NEK10: variants seen among roughly 807,000 people sequenced by gnomAD.
NEK10 encodes NIMA related kinase 10.
A neutral mutation model predicts 159.8 loss-of-function variants in NEK10; 122 were observed. That is an observed-to-expected ratio of 0.76 (90% CI 0.66 to 0.89). NEK10 has a LOEUF of 0.89. Among genes scored for constraint, NEK10 ranks in the 40% least tolerant of loss-of-function variants. The pLI, the probability that NEK10 is intolerant of heterozygous loss-of-function variation, is 0.00. For synonymous variants in NEK10, 466 were observed against 457.1 expected, an observed-to-expected ratio of 1.02 and a Z score of -0.25; for missense variants, 1,342 against 1,323.1, an observed-to-expected ratio of 1.01 and a Z score of -0.22.
chr3:27,362,340 A>T (rs2048749303), intron 1 of NEK10, among the ~76,000 whole-genome samples: 1 of 152,192 alleles, frequency 6.6e-6, no homozygotes, highest in African/African-American at 2.4e-5. Flanking sequence ...AGCTTACGGA[A>T]CTGCTAATGG....
intron 30 of NEK10, among the ~76,000 whole-genome samples, chr3:27,153,332 A>G (rs1370472188): frequency 6.6e-6 from 1 of 151,952 alleles, no homozygotes; most frequent in African/African-American, 2.4e-5. Context: ...AAAAAAAAAA[A>G]AAAAGAAATG....
At chr3:27,177,310 G>A (rs186667315) in intron 26 of NEK10, among the ~76,000 whole-genome samples, 6 of 152,264 alleles carry the variant, frequency 3.9e-5, no homozygotes, top group African/African-American at 1.4e-4. Flanking sequence ...TTGGGAGGCT[G>A]AGGCAGGTGG....
At chr3:27,156,521 T>C (rs937958122) in intron 30 of NEK10, among the ~76,000 whole-genome samples, 4 of 152,002 alleles carry the variant, frequency 2.6e-5, no homozygotes, top group Admixed American at 6.6e-5. Flanking sequence ...CAAAAGAAGA[T>C]ACTCAAATGA....
chr3:27,184,480 G>A (rs1048834119), intron 26 of NEK10, among the ~76,000 whole-genome samples: 1 of 152,204 alleles, frequency 6.6e-6, no homozygotes, highest in Non-Finnish European at 1.5e-5. Context: ...CTTGTTTGGG[G>A]TGGAGGTTAC....
chr3:27,205,282 C>T (rs1341067603), intron 23 of NEK10, among the ~76,000 whole-genome samples: 1 of 141,918 alleles, frequency 7.0e-6, no homozygotes, highest in Non-Finnish European at 1.5e-5. Context: ...GCCATACTGC[C>T]CAAGGTAATT....
chr3:27,207,321 T>C (rs568848259), intron 23 of NEK10, among the ~76,000 whole-genome samples: 2 of 152,098 alleles, frequency 1.3e-5, no homozygotes, highest in Non-Finnish European at 2.9e-5. Flanking sequence ...GGCACAGGTA[T>C]GAGAAATTGA....
intron 1 of NEK10, 65 bp from the exon 2 acceptor site, chr3:27,352,984 T>C (rs2048079243): frequency 1.4e-6 from 1 of 736,386 alleles, no homozygotes; most frequent in Non-Finnish European, 2.3e-6. Context: ...TCTCAGTTAA[T>C]ACAGACAAAA....
intron 22 of NEK10, among the ~76,000 whole-genome samples, chr3:27,271,268 G>C (rs1241629926): frequency 1.3e-5 from 2 of 151,440 alleles, no homozygotes; most frequent in African/African-American, 4.9e-5. Context: ...AGACTAAATC[G>C]TATAAGGTGG....
At position 27,312,159 on chromosome 3, in the gene NEK10, T is replaced by C; in HGVS notation, c.508A>G (p.Asn170Asp). The C allele has an allele frequency of 6.2e-7, 1 of 1,610,640 alleles. No individual in the cohort carries two copies. Among genetic ancestry groups the C allele is most frequent in the Non-Finnish European group, 8.5e-7 (1 of 1,177,950 alleles). ...NLAQYMEIVA[N>D]EYLGYGEEQH... Reference sequence around the variant, plus strand: ...TCTTCTCCATAGCCGAGGTACTCATTGGCTACAATCTCCATATACTGCATG... The same window carrying C: ...TCTTCTCCATAGCCGAGGTACTCATCGGCTACAATCTCCATATACTGCATG... The change falls in exon 8 of 36, where the codon AAT becomes GAT. Residue 170 changes from asparagine (N) to aspartate (D), a missense_variant. Physicochemically the swap from Asn to Asp is conservative, Grantham distance 23. Transcript: ENST00000691995.
chr3:27,236,115 C>T (rs917972440), intron 23 of NEK10, among the ~76,000 whole-genome samples: 2 of 151,894 alleles, frequency 1.3e-5, no homozygotes, highest in Non-Finnish European at 2.9e-5. Context: ...CACATGGACT[C>T]ATAGAGGGGG....
intron 20 of NEK10, among the ~76,000 whole-genome samples, chr3:27,286,368 G>A (rs569388249): frequency 7.9e-4 from 119 of 150,906 alleles, no homozygotes; most frequent in African/African-American, 2.3e-3. Flanking sequence ...TTACAAGTGT[G>A]AGCCACCGCG....
At chr3:27,268,836 T>C (rs568744812) in intron 22 of NEK10, among the ~76,000 whole-genome samples, 2 of 152,330 alleles carry the variant, frequency 1.3e-5, no homozygotes, top group African/African-American at 2.4e-5. Context: ...ACTCCTCTAA[T>C]GGATCTGGGC....
Position 27,336,976 on chromosome 3 carries a change from G to C in NEK10, c.362+7296C>G, listed in dbSNP as rs190841218. On this transcript the variant is annotated intron_variant, in intron 5 of 35. Transcript: ENST00000691995. ...ACTCAAATTCAACATAGTACTGGAA[G>C]TCCTAGCCAGAACAATAAGTCAAGA... Among the ~76,000 whole-genome samples, 28 of 151,842 alleles carry C rather than the reference G, an allele frequency of 1.8e-4. No homozygotes were observed. In the East Asian group the frequency reaches 5.3e-3, roughly 29 times the overall value.
At chr3:27,258,742 G>A (rs2040119711) in intron 22 of NEK10, among the ~76,000 whole-genome samples, 1 of 152,160 alleles carries the variant, frequency 6.6e-6, no homozygotes, top group African/African-American at 2.4e-5. Flanking sequence ...CCAGTAATGG[G>A]ATGGCTGGGT....
chr3:27,238,634 T>A (rs188700909), intron 23 of NEK10, among the ~76,000 whole-genome samples: 1 of 152,198 alleles, frequency 6.6e-6, no homozygotes. Flanking sequence ...TCATAAAATA[T>A]ATGCCATTGG....
intron 23 of NEK10, among the ~76,000 whole-genome samples, chr3:27,230,725 A>T (rs768911860): frequency 6.6e-6 from 1 of 152,062 alleles, no homozygotes; most frequent in Non-Finnish European, 1.5e-5. Context: ...AGCAATTCTT[A>T]TATGAGACAA....
chr3:27,141,924 T>C (rs1314880039), intron 30 of NEK10, among the ~76,000 whole-genome samples: 1 of 152,184 alleles, frequency 6.6e-6, no homozygotes, highest in Non-Finnish European at 1.5e-5. Flanking sequence ...TTCAGACATG[T>C]ATAGTTAAGA....
chr3:27,139,788 T>C (rs911760154), intron 31 of NEK10, among the ~76,000 whole-genome samples: 1 of 152,194 alleles, frequency 6.6e-6, no homozygotes, highest in Non-Finnish European at 1.5e-5. Flanking sequence ...ACGGGCTCAT[T>C]GGGGTAGATT....
At chr3:27,201,411 CTT>C in intron 25 of NEK10, 97 bp downstream of exon 25, 1 of 1,026,698 alleles carries the variant, frequency 9.7e-7, no homozygotes, top group Non-Finnish European at 1.5e-6. Flanking sequence ...TGTAGGGACT[CTT>C]TCTCTTCATG....
Sources: allele counts gnomAD v4.1 joint callset (sites outside exome capture counted in the v4.1 genomes callset), GRCh38; gene constraint gnomAD v4.1.1; transcripts MANE v1.5; gene names NCBI Gene and HGNC (gene_info 2026-07-23, HGNC 2026-07-21).